The following ANK3 variants were observed in gnomAD, a reference collection of about 807,000 sequenced individuals.
ANK3 encodes the protein ankyrin 3.
In ANK3, 57 loss-of-function variants were observed where a neutral mutation model predicts 370.9. That is an observed-to-expected ratio of 0.15 (90% CI 0.12 to 0.19). The LOEUF (loss-of-function observed/expected upper bound fraction) is 0.19, where lower values mean the gene tolerates loss of function less well. Ranked by LOEUF, ANK3 falls within the 10% of genes least tolerant of loss-of-function variation. The pLI is 1.00. For missense variants in ANK3, 4,439 were observed against 5,302.1 expected (o/e 0.84, Z 5.06); for synonymous variants, 1,929 against 1,946.3 (o/e 0.99, Z 0.23).
At chr10:60,218,780 G>C (rs1416890842) in intron 8 of ANK3, among the ~76,000 whole-genome samples, 1 of 151,978 alleles carries the variant, frequency 6.6e-6, no homozygotes, top group Middle Eastern at 3.2e-3. Context: ...TCTTATCATG[G>C]AGTATCTTAA....
Position 60,082,731 on chromosome 10 carries a change from C to G in ANK3, c.4207G>C (p.Asp1403His), listed in dbSNP as rs1179283827. Residue 1403 changes from aspartate (D) to histidine (H), a missense_variant, in exon 34 of 44, where the codon GAC becomes CAC. By Grantham distance (81) the Asp-to-His change is moderately conservative. Around this residue, in one of 13 missense-constraint regions of ANK3, gnomAD observed 702 missense variants for 941.5 expected, o/e 0.75. Coordinates refer to ENST00000280772, the MANE Select transcript of ANK3 (RefSeq NM_020987.5). Reference sequence around the variant, plus strand: ...CGACCACAGGGCTCTTGGCTGGTGTCTCTAATCTAGAAGAATTTTGGTAGT... The same window carrying G: ...CGACCACAGGGCTCTTGGCTGGTGTGTCTAATCTAGAAGAATTTTGGTAGT... ...NRLPFSIKIRDTSQEPCGRLS... is the reference protein window; with the variant it reads ...NRLPFSIKIRHTSQEPCGRLS... 1 of 1,611,660 alleles carries G rather than the reference C, an allele frequency of 6.2e-7. No homozygotes were observed. The highest frequency in any genetic ancestry group is 2.2e-5 in the East Asian group (1 of 44,848).
At chr10:60,291,900 G>A (rs533128409) in intron 1 of ANK3, among the ~76,000 whole-genome samples, 4 of 152,212 alleles carry the variant, frequency 2.6e-5, no homozygotes, top group Non-Finnish European at 4.4e-5. Flanking sequence ...TTTCAGTAGA[G>A]ACGGAGTTTT....
rs200696902 is a variant in ANK3, at chr10:60,364,749, G to C, written c.114+24676C>G. On this transcript the variant is annotated intron_variant, in intron 1 of 43. Transcript: ENST00000280772. ...GACAATATAGCCATAGAGCCTACTAGTAAACTGTTTCCTAATGTAATGAGA... is the reference window on the plus strand; with the variant it reads ...GACAATATAGCCATAGAGCCTACTACTAAACTGTTTCCTAATGTAATGAGA... 1.7e-4 allele frequency among the ~76,000 whole-genome samples: 26 copies of C among 152,046 alleles called. No individual in the cohort carries two copies. The East Asian group carries it at 4.3e-3, about 25-fold the overall frequency.
At chr10:60,633,664 A>G (rs1404034265) in intron 1 of ANK3, among the ~76,000 whole-genome samples, 1 of 152,212 alleles carries the variant, frequency 6.6e-6, no homozygotes, top group East Asian at 1.9e-4. Context: ...AGAGCTGGGC[A>G]GGGAGGTCAG....
chr10:60,489,236 C>A (rs532889494), intron 2 of ANK3, among the ~76,000 whole-genome samples: 1 of 152,262 alleles, frequency 6.6e-6, no homozygotes, highest in African/African-American at 2.4e-5. Flanking sequence ...TGAATTTAAT[C>A]ATTGATATTC....
chr10:60,570,473 CA>C (rs2077565736), intron 2 of ANK3, among the ~76,000 whole-genome samples: 1 of 152,048 alleles, frequency 6.6e-6, no homozygotes, highest in African/African-American at 2.4e-5. Flanking sequence ...AATGCATTCT[CA>C]ATGGACAAAG....
At chr10:60,340,765 G>A (rs1189979191) in intron 1 of ANK3, among the ~76,000 whole-genome samples, 1 of 152,118 alleles carries the variant, frequency 6.6e-6, no homozygotes, top group Non-Finnish European at 1.5e-5. Context: ...TATAGAGGCA[G>A]TAGTACAAAC....
At chr10:60,154,496 C>G (rs1488475672) in intron 23 of ANK3, among the ~76,000 whole-genome samples, 1 of 152,072 alleles carries the variant, frequency 6.6e-6, no homozygotes, top group Non-Finnish European at 1.5e-5. Flanking sequence ...TGTGTCAAGT[C>G]AAAATCTGTT....
intron 1 of ANK3, among the ~76,000 whole-genome samples, chr10:60,699,730 C>T (rs2079520903): frequency 6.6e-6 from 1 of 151,926 alleles, no homozygotes; most frequent in Admixed American, 6.6e-5. Context: ...TAAAAGTTGG[C>T]TCTCAAAGAT....
intron 1 of ANK3, among the ~76,000 whole-genome samples, chr10:60,368,829 T>C (rs964689522): frequency 5.9e-5 from 9 of 152,320 alleles, no homozygotes; most frequent in African/African-American, 2.2e-4. Context: ...AACATAGTTT[T>C]GAAAATCCTT....
intron 1 of ANK3, among the ~76,000 whole-genome samples, chr10:60,288,889 A>AAC (rs35560146): frequency 0.3 from 42,287 of 139,030 alleles, 6,329 homozygotes; most frequent in East Asian, 0.41. Context: ...AGGTAGGAAT[A>AAC]ACACACACAC....
At chr10:60,630,953 T>C (rs2078475212) in intron 1 of ANK3, among the ~76,000 whole-genome samples, 1 of 151,958 alleles carries the variant, frequency 6.6e-6, no homozygotes, top group South Asian at 2.1e-4. Flanking sequence ...CAGCAAGAAG[T>C]GAACATAAAT....
At chr10:60,421,277 A>G (rs564911419) in intron 2 of ANK3, among the ~76,000 whole-genome samples, 1 of 152,242 alleles carries the variant, frequency 6.6e-6, no homozygotes, top group South Asian at 2.1e-4. Flanking sequence ...ACATCTGAAT[A>G]TAATTAATGC....
At chr10:60,343,647 A>G (rs10821733) in intron 1 of ANK3, among the ~76,000 whole-genome samples, 105,675 of 151,640 alleles carry the variant, frequency 0.7, 38,077 homozygotes, top group South Asian at 0.91. Context: ...AGGAGTGAGA[A>G]TGGAGACAGA....
chr10:60,452,047 G>A (rs1201934496), intron 2 of ANK3, among the ~76,000 whole-genome samples: 1 of 152,180 alleles, frequency 6.6e-6, no homozygotes, highest in East Asian at 1.9e-4. Flanking sequence ...CTTCTGGGGG[G>A]AATAAAATGG....
Position 60,663,279 on chromosome 10 carries a change from A to G in ANK3, c.58-48055T>C, listed in dbSNP as rs1025223084. Reference sequence around the variant, plus strand: ...GGCCACTGATTTTTATACAGTGGTCATAGGGAGAAGGCAGAGGCAGATTCC... The same window carrying G: ...GGCCACTGATTTTTATACAGTGGTCGTAGGGAGAAGGCAGAGGCAGATTCC... On this transcript the variant is annotated intron_variant, in intron 1 of 43. Coordinates refer to the ANK3 transcript ENST00000373827. Among the ~76,000 whole-genome samples, 5 of 152,320 alleles carry G rather than the reference A, an allele frequency of 3.3e-5. No individual in the cohort carries two copies. In the South Asian group the frequency reaches 1.0e-3, roughly 32 times the overall value.
intron 7 of ANK3, among the ~76,000 whole-genome samples, chr10:60,244,929 G>A (rs1565950222): frequency 6.6e-6 from 1 of 152,298 alleles, no homozygotes; most frequent in East Asian, 1.9e-4. Context: ...CAGCACTTTG[G>A]GAGGCCGAGG....
chr10:60,178,960 G>T (rs1489176663), intron 18 of ANK3, among the ~76,000 whole-genome samples: 1 of 152,056 alleles, frequency 6.6e-6, no homozygotes, highest in Non-Finnish European at 1.5e-5. Flanking sequence ...AGGGGTGCGG[G>T]GGGAGAGGAC....
intron 2 of ANK3, among the ~76,000 whole-genome samples, chr10:60,404,022 T>C (rs2063404269): frequency 6.6e-6 from 1 of 152,196 alleles, no homozygotes; most frequent in Non-Finnish European, 1.5e-5. Flanking sequence ...AACCATAAAG[T>C]ACTTTGGATA....
Sources: allele counts gnomAD v4.1 joint callset (sites outside exome capture counted in the v4.1 genomes callset), GRCh38; gene constraint gnomAD v4.1.1; regional missense constraint gnomAD v4.1.1; transcripts MANE v1.5; gene names NCBI Gene and HGNC (gene_info 2026-07-23, HGNC 2026-07-21).